The following ANKRD36B variants were observed in gnomAD, a reference collection of about 807,000 sequenced individuals.
The protein encoded by ANKRD36B is ankyrin repeat domain 36B.
ANKRD36B carries 37 observed loss-of-function variants against 135.7 expected under a neutral mutation model. That is an observed-to-expected ratio of 0.27 (90% confidence interval 0.21 to 0.36). ANKRD36B has a LOEUF of 0.36. Among genes scored for constraint, ANKRD36B ranks in the 10% least tolerant of loss-of-function variants. The probability of loss-of-function intolerance (pLI) is 1.00; values close to 1 mark genes in which losing one functional copy is unlikely to be tolerated. For synonymous variants in ANKRD36B, 179 were observed against 348.1 expected (o/e 0.51, Z 5.41); for missense variants, 549 against 1,037.1 (o/e 0.53, Z 6.46).
chr2:97,556,447 T>A (rs565311840), intron 12 of ANKRD36B, among the ~76,000 whole-genome samples: 2 of 151,970 alleles, frequency 1.3e-5, no homozygotes, highest in Admixed American at 1.3e-4. Flanking sequence ...AATAACTTCT[T>A]CCTTCCCCTC....
In ANKRD36B at chr2:97,555,091, T is replaced by C; in HGVS notation, c.1140A>G (p.Thr380=). ...DKTDSALNTA[T]EIKDGLQCGT... ...CACATTGTAGTCCATCCTTTATTTC[T>C]GTAGCTGTATTCAAAGCAGAATCTG... Residue 380 remains threonine, a synonymous_variant, in exon 14 of 44, where the codon ACA becomes ACG. Coordinates refer to ENST00000359901, the MANE Select transcript of ANKRD36B (RefSeq NM_001393939.1). 1 of 1,612,004 alleles carries C rather than the reference T, an allele frequency of 6.2e-7. No homozygotes were observed. Among genetic ancestry groups the C allele is most frequent in the Non-Finnish European group, 8.5e-7 (1 of 1,178,710 alleles).
chr2:97,557,308 G>A (rs917307958), intron 10 of ANKRD36B, among the ~76,000 whole-genome samples, 176 bp from the exon 11 acceptor site: 1 of 151,662 alleles, frequency 6.6e-6, no homozygotes, highest in Admixed American at 6.6e-5. Context: ...AAGAAAATAG[G>A]AATACACGCT....
At position 97,547,765 on chromosome 2, in the gene ANKRD36B, T is replaced by C. The variant is rs758245268; in HGVS notation, c.1478-34A>G. 6 of 1,545,878 alleles carry C rather than the reference T, an allele frequency of 3.9e-6. No individual in the cohort carries two copies. In the African/African-American group the frequency reaches 5.5e-5, roughly 14 times the overall value. ...TAAAAGGGATTCATAATCACTCATA[T>C]GTAAAAATGACAAAATTATCCACAC... On this transcript the variant is annotated intron_variant, in intron 20 of 43. Transcript: ENST00000359901.
At chr2:97,564,863 T>C (rs1222115077) in intron 6 of ANKRD36B, among the ~76,000 whole-genome samples, 2 of 152,196 alleles carry the variant, frequency 1.3e-5, no homozygotes, top group Non-Finnish European at 2.9e-5. Context: ...GGGCTCTTTT[T>C]TTGGTTCCAT....
At chr2:97,517,080 T>TA (rs1166384120) in intron 36 of ANKRD36B, among the ~76,000 whole-genome samples, 72 of 11,194 alleles carry the variant, frequency 6.4e-3, no homozygotes, top group African/African-American at 9.8e-3. Context: ...GGTTTTTTTT[T>TA]AAAAAAACAC....
intron 38 of ANKRD36B, 44 bp downstream of exon 38, chr2:97,513,136 T>C: frequency 7.0e-7 from 1 of 1,435,862 alleles, no homozygotes. Flanking sequence ...ATAAGTAATA[T>C]TAATAAGAGT....
intron 20 of ANKRD36B, among the ~76,000 whole-genome samples, chr2:97,547,977 A>C (rs1447990375): frequency 6.6e-6 from 1 of 151,810 alleles, no homozygotes; most frequent in Non-Finnish European, 1.5e-5. Flanking sequence ...AAAAACTAAA[A>C]TAAAACCGTG....
At chr2:97,563,860 ATG>A (rs2081231874) in intron 6 of ANKRD36B, among the ~76,000 whole-genome samples, 1 of 152,202 alleles carries the variant, frequency 6.6e-6, no homozygotes, top group Non-Finnish European at 1.5e-5. Flanking sequence ...CCATGCTGGT[ATG>A]TCACCATATT....
At chr2:97,582,931 A>T (rs1294037541) in intron 3 of ANKRD36B, among the ~76,000 whole-genome samples, 1 of 152,092 alleles carries the variant, frequency 6.6e-6, no homozygotes, top group Non-Finnish European at 1.5e-5. Flanking sequence ...CTGCAACTAA[A>T]TTATTAAAAT....
intron 16 of ANKRD36B, among the ~76,000 whole-genome samples, chr2:97,552,344 T>G (rs2080141221): frequency 6.6e-6 from 1 of 151,918 alleles, no homozygotes; most frequent in Non-Finnish European, 1.5e-5. Context: ...TTCTTGGGAG[T>G]ATCATGTTAG....
intron 6 of ANKRD36B, among the ~76,000 whole-genome samples, chr2:97,569,856 A>G (rs2081717692): frequency 6.6e-6 from 1 of 152,194 alleles, no homozygotes; most frequent in Admixed American, 6.5e-5. Context: ...CCAGAATTAT[A>G]GTATATAAAA....
At chr2:97,540,637 A>T (rs2104530114) in intron 28 of ANKRD36B, among the ~76,000 whole-genome samples, 1 of 95,718 alleles carries the variant, frequency 1.0e-5, no homozygotes, top group East Asian at 2.3e-4. Context: ...ACACCATTAT[A>T]CTACAGACAT....
chr2:97,558,801 G>A lies in ANKRD36B; in HGVS notation c.965C>T (p.Thr322Ile). The part of the protein sequence containing the change: ...TEIKEGQQSG[T>I]VSPQKQSAQK... Reference sequence around the variant, plus strand: ...TTAAATGTGTTTTGCAAAATTACCTGTCCCAGATTGTTGTCCCTCCTTTAT... The same window carrying A: ...TTAAATGTGTTTTGCAAAATTACCTATCCCAGATTGTTGTCCCTCCTTTAT... The change falls in exon 10 of 44, where the codon ACA becomes ATA. Residue 322 changes from threonine (T) to isoleucine (I), a missense_variant and splice_region_variant. Transcript: ENST00000359901. The A allele has an allele frequency of 6.2e-7, 1 of 1,611,270 alleles. No individual in the cohort carries two copies. The highest frequency in any genetic ancestry group is 8.5e-7 in the Non-Finnish European group (1 of 1,178,622).
At chr2:97,567,709 ATT>A (rs2081550704) in intron 6 of ANKRD36B, among the ~76,000 whole-genome samples, 1 of 152,170 alleles carries the variant, frequency 6.6e-6, no homozygotes, top group Admixed American at 6.6e-5. Flanking sequence ...GTATGACAAA[ATT>A]TGAGCCCTTA....
In ANKRD36B at chr2:97,516,825, T is replaced by TA. The variant is rs1180927230; in HGVS notation, c.2408-881dup. Among the ~76,000 whole-genome samples the TA allele has an allele frequency of 7.6e-5, 6 of 79,246 alleles. 1 individual carries two copies. Among genetic ancestry groups the TA allele is most frequent in the Non-Finnish European group, 1.3e-4 (4 of 31,006 alleles). The allele number at this position is 79,246 out of a possible 152,430, so 52.0% of individuals were successfully genotyped here. A position where few individuals can be genotyped will look rare whatever the true frequency, so the allele number is the denominator to read the frequency against. On this transcript the variant is annotated intron_variant, in intron 36 of 43. Transcript: ENST00000359901. The stretch of plus-strand genomic sequence containing the variant: ...TTCCTAAGAACAATGAAAAATAAAA[T>TA]AAAAAAAAACAACAGTTAAAGAACA...
At chr2:97,551,593 T>A in intron 16 of ANKRD36B, 113 bp from the exon 17 acceptor site, 1 of 1,502,562 alleles carries the variant, frequency 6.7e-7, no homozygotes, top group Non-Finnish European at 9.1e-7. Flanking sequence ...TAGCGTAGGT[T>A]TTGATGGCTT....
At chr2:97,494,536 A>C (rs1278513603) in intron 43 of ANKRD36B, among the ~76,000 whole-genome samples, 3 of 107,246 alleles carry the variant, frequency 2.8e-5, no homozygotes, top group Non-Finnish European at 7.9e-5. Context: ...GGAGAGATCA[A>C]CCACCATGAC....
chr2:97,582,212 C>T (rs577502462), intron 3 of ANKRD36B, among the ~76,000 whole-genome samples: 6 of 152,244 alleles, frequency 3.9e-5, no homozygotes, highest in African/African-American at 1.2e-4. Flanking sequence ...AAAAAGCTTA[C>T]ATGCATTCTA....
At chr2:97,570,413 G>T (rs2081763036) in intron 6 of ANKRD36B, among the ~76,000 whole-genome samples, 1 of 152,166 alleles carries the variant, frequency 6.6e-6, no homozygotes, top group African/African-American at 2.4e-5. Context: ...CATTTTAAAG[G>T]TTTGTCACCA....
Sources: gnomAD v4.1 joint callset for allele counts (sites outside exome capture counted in the v4.1 genomes callset) on GRCh38, gnomAD v4.1.1 for gene constraint, MANE v1.5 for transcripts, NCBI Gene and HGNC (gene_info 2026-07-23, HGNC 2026-07-21) for gene names.